The following FBXO36 variants were observed in gnomAD, a reference collection of about 807,000 sequenced individuals.
FBXO36 encodes F-box protein 36.
Under a neutral mutation model 17.0 loss-of-function variants are expected in FBXO36, and 18 were observed. The ratio of observed to expected loss-of-function variants is 1.06; its 90% CI spans 0.73 to 1.57. The LOEUF (loss-of-function observed/expected upper bound fraction) is 1.57. Among genes scored for constraint, FBXO36 ranks in the 40% most tolerant of loss-of-function variants. The pLI, the probability that FBXO36 is intolerant of heterozygous loss-of-function variation, is 0.00. For missense variants in FBXO36, 229 were observed against 221.9 expected, an observed-to-expected ratio of 1.03 and a Z score of -0.20; for synonymous variants, 83 against 85.3, an observed-to-expected ratio of 0.97 and a Z score of 0.15.
chr2:230,010,171 G>C (rs2077407917), intron 3 of FBXO36, among the ~76,000 whole-genome samples: 1 of 151,960 alleles, frequency 6.6e-6, no homozygotes, highest in Non-Finnish European at 1.5e-5. Context: ...TGAGGCAGGA[G>C]AATCACTTGA....
intron 1 of FBXO36, among the ~76,000 whole-genome samples, chr2:229,923,485 G>A (rs1009843265): frequency 6.6e-6 from 1 of 152,114 alleles, no homozygotes; most frequent in African/African-American, 2.4e-5. Flanking sequence ...ATGAAATTTA[G>A]AAGTTTGTAT....
At chr2:229,928,066 T>C (rs1451622837) in intron 1 of FBXO36, among the ~76,000 whole-genome samples, 1 of 152,232 alleles carries the variant, frequency 6.6e-6, no homozygotes, top group East Asian at 1.9e-4. Context: ...TTTCTAGGAT[T>C]TGGATATCCA....
intron 1 of FBXO36, among the ~76,000 whole-genome samples, chr2:229,950,451 C>T (rs1368225198): frequency 6.6e-6 from 1 of 151,554 alleles, no homozygotes. Context: ...AATAAAATCA[C>T]AGCCCAAAGG....
chr2:229,970,195 A>C (rs1346777726), intron 1 of FBXO36, among the ~76,000 whole-genome samples: 1 of 152,166 alleles, frequency 6.6e-6, no homozygotes, highest in Admixed American at 6.6e-5. Context: ...ACTTATATTC[A>C]TACGAAAACC....
Position 229,996,772 on chromosome 2 carries a change from G to C in FBXO36, c.227G>C (p.Gly76Ala). The change falls in exon 3 of 4, where the codon GGT becomes GCT. Residue 76 changes from glycine (G) to alanine (A), a missense_variant. By Grantham distance (60) the Gly-to-Ala change is moderately conservative. Coordinates refer to ENST00000283946, the MANE Select transcript of FBXO36 (RefSeq NM_174899.5). ...ACAGGTCAAACTGCCTTAATATTTG[G>C]TGCAAGAATATTAGACTATGTCATC... ...HLQGQTALIF[G>A]ARILDYVINL... 6.2e-7 allele frequency: 1 copy of C among 1,611,368 alleles called. No individual in the cohort carries two copies.
At chr2:229,993,746 T>C (rs1479511480) in intron 2 of FBXO36, among the ~76,000 whole-genome samples, 31 of 152,124 alleles carry the variant, frequency 2.0e-4, no homozygotes, top group Non-Finnish European at 7.3e-5. Flanking sequence ...GTACATGTCC[T>C]AAAACTTTTA....
At chr2:229,960,755 G>T (rs77707891) in intron 1 of FBXO36, among the ~76,000 whole-genome samples, 1 of 152,134 alleles carries the variant, frequency 6.6e-6, no homozygotes, top group Non-Finnish European at 1.5e-5. Context: ...CCAAAGTGTT[G>T]AGCCACAACA....
intron 1 of FBXO36, among the ~76,000 whole-genome samples, chr2:229,937,476 CAA>C (rs924590535): frequency 1.9e-3 from 292 of 152,168 alleles, no homozygotes; most frequent in African/African-American, 6.3e-3. Flanking sequence ...GCCTAGGTGA[CAA>C]GAGCAAAACT....
At chr2:230,006,420 C>A (rs899317287) in intron 3 of FBXO36, among the ~76,000 whole-genome samples, 1 of 152,160 alleles carries the variant, frequency 6.6e-6, no homozygotes, top group Non-Finnish European at 1.5e-5. Flanking sequence ...GAAGCTAAAA[C>A]TCAGCAAGTC....
intron 3 of FBXO36, among the ~76,000 whole-genome samples, chr2:230,002,830 A>G (rs2077366997): frequency 6.6e-6 from 1 of 152,214 alleles, no homozygotes; most frequent in Non-Finnish European, 1.5e-5. Context: ...TGAAATGAGA[A>G]TAATAAGGAT....
chr2:229,982,213 A>G (rs182758088), intron 2 of FBXO36, among the ~76,000 whole-genome samples: 49 of 151,658 alleles, frequency 3.2e-4, no homozygotes, highest in Admixed American at 1.6e-3. Flanking sequence ...TTTTGTAGAG[A>G]TGGGGTTTCA....
intron 1 of FBXO36, among the ~76,000 whole-genome samples, chr2:229,948,269 T>C (rs1239905933): frequency 6.6e-6 from 1 of 152,198 alleles, no homozygotes; most frequent in Non-Finnish European, 1.5e-5. Flanking sequence ...TGTTCTAATC[T>C]ACACAAGTTA....
intron 3 of FBXO36, 79 bp from the exon 4 acceptor site, chr2:230,010,617 T>C: frequency 7.6e-7 from 1 of 1,317,004 alleles, no homozygotes; most frequent in Non-Finnish European, 1.0e-6. Flanking sequence ...GTTTCTCCAG[T>C]GTCCCACAGG....
chr2:229,936,542 A>G (rs895727519), intron 1 of FBXO36, among the ~76,000 whole-genome samples: 1 of 152,196 alleles, frequency 6.6e-6, no homozygotes, highest in Non-Finnish European at 1.5e-5. Context: ...TTACTTATGA[A>G]GTTAATGAGA....
At chr2:229,973,393 T>C (rs989767674) in intron 1 of FBXO36, 1 of 152,118 alleles carries the variant, frequency 6.6e-6, no homozygotes, top group Non-Finnish European at 1.5e-5. Flanking sequence ...AAGGATGACA[T>C]GGAAATTCAT....
At chr2:229,928,528 G>A (rs2076923947) in intron 1 of FBXO36, among the ~76,000 whole-genome samples, 1 of 152,122 alleles carries the variant, frequency 6.6e-6, no homozygotes, top group Non-Finnish European at 1.5e-5. Context: ...TTACTTTGAG[G>A]TGGTGTCCTG....
chr2:229,968,745 A>T (rs2077166232), intron 1 of FBXO36, among the ~76,000 whole-genome samples: 2 of 151,970 alleles, frequency 1.3e-5, no homozygotes. Flanking sequence ...TGGGATTACA[A>T]GCATGAGCCA....
In FBXO36 at chr2:229,922,520, T is replaced by A; in HGVS notation, c.7T>A (p.Ser3Thr). 1 of 1,613,846 alleles carries A rather than the reference T, an allele frequency of 6.2e-7. No homozygotes were observed. The change falls in exon 1 of 4, where the codon TCG becomes ACG. Residue 3 changes from serine to threonine, a missense_variant. By Grantham distance (58) the Ser-to-Thr change is moderately conservative (BLOSUM62 1). Coordinates refer to ENST00000283946, the MANE Select transcript of FBXO36 (RefSeq NM_174899.5). ...ACGGCGGTGGCGTCCCAAGATGGCG[T>A]CGTGGCTGCCGGAGACTCTCTTTGA... MA[S>T]WLPETLFETV...
At chr2:229,991,859 T>C (rs144952776) in intron 2 of FBXO36, among the ~76,000 whole-genome samples, 1 of 152,308 alleles carries the variant, frequency 6.6e-6, no homozygotes, top group African/African-American at 2.4e-5. Flanking sequence ...CAGAGCATCT[T>C]GTAGCCACCT....
Sources: gnomAD v4.1 joint callset for allele counts (sites outside exome capture counted in the v4.1 genomes callset) on GRCh38, gnomAD v4.1.1 for gene constraint, MANE v1.5 for transcripts, NCBI Gene and HGNC (gene_info 2026-07-23, HGNC 2026-07-21) for gene names.